The following RASA3 variants were observed in gnomAD, a reference collection of about 807,000 sequenced individuals.
RASA3 encodes the protein RAS p21 protein activator 3, also known as ras GTPase-activating protein 3.
A neutral mutation model predicts 110.0 loss-of-function variants in RASA3; 73 were observed. That is an observed-to-expected ratio of 0.66 (90% confidence interval 0.55 to 0.81). RASA3 has a LOEUF of 0.81. Among genes scored for constraint, RASA3 ranks in the 30% least tolerant of loss-of-function variants. The probability of loss-of-function intolerance (pLI) is 0.00; values close to 1 mark genes in which losing one functional copy is unlikely to be tolerated. For synonymous variants in RASA3, 500 were observed against 451.4 expected, an observed-to-expected ratio of 1.11 and a Z score of -1.37; for missense variants, 976 against 1,113.2, an observed-to-expected ratio of 0.88 and a Z score of 1.75.
At chr13:114,101,334 C>A (rs751371655) in intron 1 of RASA3, among the ~76,000 whole-genome samples, 1 of 152,222 alleles carries the variant, frequency 6.6e-6, no homozygotes, top group Non-Finnish European at 1.5e-5. Flanking sequence ...CCAACCAGGA[C>A]GGGTAGGCAG....
At position 114,001,571 on chromosome 13, in the gene RASA3, T is replaced by C. The variant is rs553189992; in HGVS notation, c.1743-639A>G. On this transcript the variant is annotated intron_variant, in intron 18 of 23. Coordinates refer to ENST00000334062, the MANE Select transcript of RASA3 (RefSeq NM_007368.4). ...GCGGGCTCAGGGTCAGGGCGGACAG[T>C]GGATGCCCACACAACACAGAGGACC... 7.4e-3 allele frequency among the ~76,000 whole-genome samples: 843 copies of C among 113,512 alleles called. 2 individuals are homozygous for C. Among genetic ancestry groups the C allele is most frequent in the African/African-American group, 0.024 (670 of 28,484 alleles). The allele number at this position is 113,512 out of a possible 152,430, so 74.5% of individuals were successfully genotyped here. A position where few individuals can be genotyped will look rare whatever the true frequency, so the allele number is the denominator to read the frequency against.
chr13:114,033,089 C>A (rs1292564191), intron 4 of RASA3, among the ~76,000 whole-genome samples: 42 of 39,676 alleles, frequency 1.1e-3, no homozygotes, highest in African/African-American at 4.7e-3. Context: ...TGATACCATG[C>A]CCCACAGCAC....
intron 1 of RASA3, among the ~76,000 whole-genome samples, chr13:114,132,019 C>A (rs957510338): frequency 2.1e-4 from 32 of 152,260 alleles, no homozygotes; most frequent in African/African-American, 7.5e-4. Context: ...AGGGAGATGC[C>A]GAGACCCCGA....
chr13:114,005,534 G>A (rs1229966823), intron 18 of RASA3, among the ~76,000 whole-genome samples: 1 of 152,126 alleles, frequency 6.6e-6, no homozygotes, highest in Non-Finnish European at 1.5e-5. Context: ...AGACCCCCAG[G>A]GCTGTCCCCT....
intron 2 of RASA3, among the ~76,000 whole-genome samples, chr13:114,052,646 C>T (rs1165216978): frequency 2.6e-5 from 4 of 151,960 alleles, no homozygotes; most frequent in African/African-American, 4.8e-5. Context: ...GAGAGACCCC[C>T]GCTGCTGACT....
At chr13:114,019,950 G>A (rs1208200871) in intron 9 of RASA3, among the ~76,000 whole-genome samples, 6 of 46,846 alleles carry the variant, frequency 1.3e-4, no homozygotes, top group African/African-American at 6.5e-4. Flanking sequence ...ATTAGCCCCC[G>A]CCAGGTGGGT....
intron 7 of RASA3, among the ~76,000 whole-genome samples, 191 bp from the exon 8 acceptor site, chr13:114,024,546 GGCGC>G (rs1189189162): frequency 6.6e-6 from 1 of 152,244 alleles, no homozygotes; most frequent in Non-Finnish European, 1.5e-5. Flanking sequence ...TCCTACTCAC[GGCGC>G]CCCTGGAGGG....
chr13:114,038,077 TAAA>T (rs541898809), intron 4 of RASA3, among the ~76,000 whole-genome samples: 1 of 116,680 alleles, frequency 8.6e-6, no homozygotes. Context: ...ATTAAATCAG[TAAA>T]AAAAAAAAAA....
At chr13:114,131,022 A>C (rs566912841) in intron 1 of RASA3, among the ~76,000 whole-genome samples, 1 of 152,372 alleles carries the variant, frequency 6.6e-6, no homozygotes, top group South Asian at 2.1e-4. Flanking sequence ...TGAAAGTGAC[A>C]GCGGATTTAA....
At chr13:114,047,272 T>C (rs1328480450) in intron 3 of RASA3, among the ~76,000 whole-genome samples, 1 of 152,136 alleles carries the variant, frequency 6.6e-6, no homozygotes, top group Non-Finnish European at 1.5e-5. Context: ...AAAGAAGGAA[T>C]GGAGCTGTCA....
intron 18 of RASA3, among the ~76,000 whole-genome samples, chr13:114,002,206 C>A (rs2053421052): frequency 6.6e-6 from 1 of 152,202 alleles, no homozygotes; most frequent in Non-Finnish European, 1.5e-5. Flanking sequence ...GGGAGACGCA[C>A]CTCGACAAGC....
chr13:114,104,537 G>A (rs192133118), intron 1 of RASA3, among the ~76,000 whole-genome samples: 12 of 152,220 alleles, frequency 7.9e-5, no homozygotes, highest in Admixed American at 3.3e-4. Context: ...TCCGGTGGCG[G>A]GCACACCCAG....
intron 16 of RASA3, 39 bp from the exon 17 acceptor site, chr13:114,009,503 T>G (rs2053586756): frequency 7.2e-7 from 1 of 1,387,074 alleles, no homozygotes; most frequent in Admixed American, 1.7e-5. Context: ...CAGCCCGAAG[T>G]ACCTCGGCTC....
chr13:114,118,357 G>A (rs1218795776), intron 1 of RASA3, among the ~76,000 whole-genome samples: 1 of 152,122 alleles, frequency 6.6e-6, no homozygotes, highest in Non-Finnish European at 1.5e-5. Context: ...GGGTGGGGAA[G>A]CTTCTGAAAA....
In RASA3 at chr13:114,115,999, A is replaced by G. The variant is rs2139773497; in HGVS notation, c.55+16436T>C. 6.6e-6 allele frequency among the ~76,000 whole-genome samples: 1 copy of G among 152,322 alleles called. No individual in the cohort carries two copies. Among genetic ancestry groups the G allele is most frequent in the South Asian group, 2.1e-4 (1 of 4,822 alleles). On this transcript the variant is annotated intron_variant, in intron 1 of 23. Transcript: ENST00000334062. The surrounding 1 kb of genome is among the most constrained non-coding windows in gnomAD (Gnocchi z 5.0). The stretch of plus-strand genomic sequence containing the variant: ...GTTCTGGGGTCCCTGGGAAGTTGTC[A>G]TCACCCTGCTGACATGAGTGTGGAT...
chr13:114,043,893 C>T (rs1267606581), intron 3 of RASA3, among the ~76,000 whole-genome samples: 1 of 23,842 alleles, frequency 4.2e-5, no homozygotes, highest in Non-Finnish European at 6.6e-5. Flanking sequence ...TCGCTGAGCC[C>T]CCCCGCCCCG....
At chr13:114,033,894 G>A (rs901896067) in intron 4 of RASA3, among the ~76,000 whole-genome samples, 3 of 152,214 alleles carry the variant, frequency 2.0e-5, no homozygotes, top group Non-Finnish European at 2.9e-5. Context: ...TGAACCCCAC[G>A]CCAGCACTGT....
At chr13:114,022,723 G>A (rs1449047812) in intron 8 of RASA3, among the ~76,000 whole-genome samples, 1 of 152,246 alleles carries the variant, frequency 6.6e-6, no homozygotes, top group Non-Finnish European at 1.5e-5. Context: ...TGGCCAGGCA[G>A]GCGCATTTGC....
At chr13:114,078,541 G>A (rs746947625) in intron 1 of RASA3, among the ~76,000 whole-genome samples, 4 of 152,288 alleles carry the variant, frequency 2.6e-5, no homozygotes, top group African/African-American at 4.8e-5. Flanking sequence ...TCACCAGCCG[G>A]CAGACTGATG....
Sources: gnomAD v4.1 joint callset for allele counts (sites outside exome capture counted in the v4.1 genomes callset) on GRCh38, gnomAD v4.1.1 for gene constraint, Gnocchi (gnomAD v3.1) non-coding constraint, MANE v1.5 for transcripts, NCBI Gene and HGNC (gene_info 2026-07-23, HGNC 2026-07-21) for gene names.